The following IKBKB-DT variants were observed in gnomAD, a reference collection of about 807,000 sequenced individuals.
The protein encoded by IKBKB-DT is IKBKB divergent transcript.
intron 3 of IKBKB-DT, among the ~76,000 whole-genome samples, chr8:42,261,317 C>G (rs1807285496): frequency 6.6e-6 from 1 of 152,048 alleles, no homozygotes; most frequent in Admixed American, 6.6e-5. Context: ...GACAGTGAGA[C>G]CCTATTCACC....
chr8:42,264,700 A>G (rs536318436), intron 2 of IKBKB-DT, among the ~76,000 whole-genome samples: 27 of 152,240 alleles, frequency 1.8e-4, no homozygotes, highest in Non-Finnish European at 3.1e-4. Context: ...CTGGGATTAC[A>G]GGTGCCCACC....
intron 3 of IKBKB-DT, among the ~76,000 whole-genome samples, chr8:42,246,136 A>G (rs1383632898): frequency 6.6e-6 from 1 of 152,194 alleles, no homozygotes; most frequent in African/African-American, 2.4e-5. Flanking sequence ...TCCCAGGCTC[A>G]GGCAATCCTC....
intron 3 of IKBKB-DT, among the ~76,000 whole-genome samples, chr8:42,253,773 G>A (rs896724625): frequency 3.3e-5 from 5 of 152,174 alleles, no homozygotes; most frequent in Admixed American, 6.5e-5. Context: ...AGAGTACACC[G>A]AACAAAGGAG....
Position 42,262,161 on chromosome 8 carries a change from T to C in IKBKB-DT, n.1529+1168A>G, listed in dbSNP as rs149731547. Among the ~76,000 whole-genome samples, 487 of 151,608 alleles carry C rather than the reference T, an allele frequency of 3.2e-3. 4 individuals carry two copies. Among genetic ancestry groups the C allele is most frequent in the African/African-American group, 0.011 (463 of 41,354 alleles). ...AAGGTGGGAGGGGGGAGGGATAGCA[T>C]TGGGAGATATATCTAATGCTAGATG... On this transcript the variant is annotated intron_variant and non_coding_transcript_variant, in intron 3 of 3. Transcript: ENST00000518213.
At chr8:42,242,103 T>A (rs925499959) in intron 3 of IKBKB-DT, among the ~76,000 whole-genome samples, 8 of 152,076 alleles carry the variant, frequency 5.3e-5, no homozygotes, top group Non-Finnish European at 1.5e-5. Flanking sequence ...TAATCTCAGC[T>A]ACTCAGGAGG....
chr8:42,242,305 G>A (rs1807014299), intron 3 of IKBKB-DT, among the ~76,000 whole-genome samples: 1 of 152,120 alleles, frequency 6.6e-6, no homozygotes, highest in South Asian at 2.1e-4. Flanking sequence ...CTGTGGTTGG[G>A]ATAAAGATTC....
intron 3 of IKBKB-DT, among the ~76,000 whole-genome samples, chr8:42,257,984 G>C (rs952095875): frequency 6.7e-6 from 1 of 148,186 alleles, no homozygotes; most frequent in African/African-American, 2.5e-5. Flanking sequence ...GTCTTCTTAA[G>C]TAATCAAACA....
At chr8:42,255,546 A>G (rs1479848337) in intron 3 of IKBKB-DT, 1 of 152,188 alleles carries the variant, frequency 6.6e-6, no homozygotes, top group African/African-American at 2.4e-5. Context: ...AAACCACATA[A>G]GCAAAGTATG....
At chr8:42,246,652 T>C (rs1045377722) in intron 3 of IKBKB-DT, among the ~76,000 whole-genome samples, 4 of 152,172 alleles carry the variant, frequency 2.6e-5, no homozygotes, top group African/African-American at 9.7e-5. Context: ...TGCATAAAAC[T>C]GCAGAATCTC....
intron 3 of IKBKB-DT, among the ~76,000 whole-genome samples, chr8:42,259,614 T>A (rs1408244785): frequency 6.6e-6 from 1 of 152,170 alleles, no homozygotes; most frequent in Non-Finnish European, 1.5e-5. Context: ...TATACTTTTA[T>A]CCTATTTTTA....
exon 2 of IKBKB-DT, chr8:42,266,054 A>C (rs189296674): frequency 6.6e-6 from 1 of 152,444 alleles, no homozygotes; most frequent in East Asian, 1.9e-4. Context: ...TCCCCAGAAC[A>C]AAGGCAGACT....
chr8:42,266,349 A>C (rs1394969157), exon 2 of IKBKB-DT: 1 of 152,230 alleles, frequency 6.6e-6, no homozygotes, highest in African/African-American at 2.4e-5. Flanking sequence ...GGTTGTACAG[A>C]AAACAATTCT....
At chr8:42,248,813 G>T (rs973049804) in intron 3 of IKBKB-DT, among the ~76,000 whole-genome samples, 2 of 148,864 alleles carry the variant, frequency 1.3e-5, no homozygotes, top group African/African-American at 5.0e-5. Context: ...GGAGGCGGAG[G>T]TTACAGTGAG....
chr8:42,264,321 A>C (rs1040588453), intron 2 of IKBKB-DT, among the ~76,000 whole-genome samples: 2 of 151,312 alleles, frequency 1.3e-5, no homozygotes, highest in East Asian at 3.9e-4. Flanking sequence ...CACCCAGCTA[A>C]TATTTTGATT....
chr8:42,253,156 T>C (rs372143426), intron 3 of IKBKB-DT, among the ~76,000 whole-genome samples: 1 of 152,224 alleles, frequency 6.6e-6, no homozygotes, highest in Non-Finnish European at 1.5e-5. Flanking sequence ...CAAAAGAACC[T>C]TGGTCTCCAC....
intron 3 of IKBKB-DT, among the ~76,000 whole-genome samples, chr8:42,260,090 G>A (rs1747665220): frequency 6.6e-6 from 1 of 152,046 alleles, no homozygotes. Context: ...GGAAGAGGTT[G>A]TAGGGGAGCC....
At chr8:42,271,059 G>A (rs1033153488) in exon 1 of IKBKB-DT, 13 of 272,240 alleles carry the variant, frequency 4.8e-5, no homozygotes, top group Non-Finnish European at 7.8e-5. Flanking sequence ...ACCGCTCCAG[G>A]TGGAAGTAAC....
chr8:42,261,319 C>T (rs1389198509), intron 3 of IKBKB-DT, among the ~76,000 whole-genome samples: 1 of 152,120 alleles, frequency 6.6e-6, no homozygotes, highest in East Asian at 1.9e-4. Context: ...CAGTGAGACC[C>T]TATTCACCTC....
At chr8:42,242,625 C>T (rs1444083004) in intron 3 of IKBKB-DT, among the ~76,000 whole-genome samples, 3 of 152,198 alleles carry the variant, frequency 2.0e-5, no homozygotes, top group South Asian at 2.1e-4. Flanking sequence ...TTGGCCTGGT[C>T]GCTAGTCATT....
Sources: gnomAD v4.1 joint callset for allele counts (sites outside exome capture counted in the v4.1 genomes callset) on GRCh38, gnomAD v4.1.1 for gene constraint, MANE v1.5 for transcripts, NCBI Gene and HGNC (gene_info 2026-07-23, HGNC 2026-07-21) for gene names.